WASF1: variants seen among roughly 807,000 people sequenced by gnomAD.
The protein encoded by WASF1 is actin-binding protein WASF1.
In WASF1, 7 loss-of-function variants were observed where a neutral mutation model predicts 50.5. The ratio of observed to expected loss-of-function variants is 0.14; its 90% CI spans 0.08 to 0.26. The LOEUF (loss-of-function observed/expected upper bound fraction) is 0.26, where lower values mean the gene tolerates loss of function less well. Ranked by LOEUF, WASF1 falls within the 10% of genes least tolerant of loss-of-function variation. The probability of loss-of-function intolerance (pLI) is 1.00; values close to 1 mark genes in which losing one functional copy is unlikely to be tolerated. For synonymous variants in WASF1, 205 were observed against 244.0 expected (o/e 0.84, Z 1.49); for missense variants, 470 against 694.7 (o/e 0.68, Z 3.64).
intron 2 of WASF1, among the ~76,000 whole-genome samples, chr6:110,167,317 TAGAA>T (rs1776520617): frequency 6.6e-6 from 1 of 151,940 alleles, no homozygotes; most frequent in Admixed American, 6.6e-5. Context: ...TTTTCAAAGT[TAGAA>T]AGAGCCTCAG....
rs552058205 is a variant in WASF1, at chr6:110,141,928, C to T, written c.-28-14299G>A. Among the ~76,000 whole-genome samples, 5 of 152,118 alleles carry T rather than the reference C, an allele frequency of 3.3e-5. No homozygotes were observed. The South Asian group carries it at 6.2e-4, about 19-fold the overall frequency. Reference sequence around the variant, plus strand: ...CTGGGATTACAGGTGCGCACCGCCACGCTCAGCTAATTTTTGTATTTTTAG... The same window carrying T: ...CTGGGATTACAGGTGCGCACCGCCATGCTCAGCTAATTTTTGTATTTTTAG... On this transcript the variant is annotated intron_variant, in intron 3 of 10. Transcript: ENST00000392589.
intron 2 of WASF1, among the ~76,000 whole-genome samples, 192 bp downstream of exon 2, chr6:110,178,402 TTACC>T (rs1236274631): frequency 7.9e-5 from 12 of 152,196 alleles, no homozygotes; most frequent in South Asian, 4.1e-4. Flanking sequence ...AAAATGAATG[TTACC>T]TACCATGCAA....
At chr6:110,104,445 TTATATG>T (rs1345984918) in intron 8 of WASF1, among the ~76,000 whole-genome samples, 4 of 152,172 alleles carry the variant, frequency 2.6e-5, no homozygotes, top group African/African-American at 9.7e-5. Context: ...GCCCAATCAT[TTATATG>T]TATATTACTT....
chr6:110,122,967 A>G (rs1294194031), intron 4 of WASF1, among the ~76,000 whole-genome samples: 1 of 152,128 alleles, frequency 6.6e-6, no homozygotes, highest in African/African-American at 2.4e-5. Context: ...AAAAAAAAAG[A>G]GATACCCTGG....
At chr6:110,123,089 T>A (rs960704417) in intron 4 of WASF1, among the ~76,000 whole-genome samples, 1 of 152,210 alleles carries the variant, frequency 6.6e-6, no homozygotes, top group Non-Finnish European at 1.5e-5. Context: ...TAGAGAAGAT[T>A]ATGATGTAAA....
At position 110,107,146 on chromosome 6, in the gene WASF1, G is replaced by A. The variant is rs746719555; in HGVS notation, c.471C>T (p.Phe157=). 18 of 1,607,290 alleles carry A rather than the reference G, an allele frequency of 1.1e-5. No homozygotes were observed. The Admixed American group carries it at 2.9e-4, about 26-fold the overall frequency. ...GLKFYTNPSY[F]FDLWKEKMLQ... ...ACATTTTTTCTTTCCATAGATCAAA[G>A]AAATACGAAGGATTGGTATAAAACT... Residue 157 remains phenylalanine (F), a synonymous_variant, in exon 7 of 11, where the codon TTC becomes TTT. Transcript: ENST00000392589.
chr6:110,121,709 A>T (rs1774134643), intron 4 of WASF1, among the ~76,000 whole-genome samples: 1 of 152,260 alleles, frequency 6.6e-6, no homozygotes, highest in South Asian at 2.1e-4. Context: ...ATTATAAATC[A>T]TGCTACTATA....
intron 2 of WASF1, among the ~76,000 whole-genome samples, chr6:110,172,883 T>C (rs1776775727): frequency 6.6e-6 from 1 of 152,136 alleles, no homozygotes; most frequent in South Asian, 2.1e-4. Flanking sequence ...AATATATCCA[T>C]GTAACTAAAC....
At chr6:110,141,022 T>G (rs538313063) in intron 3 of WASF1, among the ~76,000 whole-genome samples, 22 of 152,308 alleles carry the variant, frequency 1.4e-4, no homozygotes, top group African/African-American at 5.1e-4. Flanking sequence ...CACATGCAAT[T>G]TAAAACTTAT....
At chr6:110,143,897 A>G (rs998218276) in intron 3 of WASF1, among the ~76,000 whole-genome samples, 1 of 152,210 alleles carries the variant, frequency 6.6e-6, no homozygotes, top group African/African-American at 2.4e-5. Context: ...AGTCTTTGCT[A>G]TTGTGAATAG....
chr6:110,175,379 C>T (rs900501056), intron 2 of WASF1, among the ~76,000 whole-genome samples: 10 of 152,024 alleles, frequency 6.6e-5, no homozygotes, highest in African/African-American at 1.7e-4. Flanking sequence ...ACAAAAATAA[C>T]GCCTTTAAGA....
At chr6:110,116,997 CT>C (rs1451021166) in intron 4 of WASF1, among the ~76,000 whole-genome samples, 1 of 151,994 alleles carries the variant, frequency 6.6e-6, no homozygotes, top group African/African-American at 2.4e-5. Context: ...AAAACCCCCT[CT>C]GTAGGTCACC....
intron 3 of WASF1, among the ~76,000 whole-genome samples, chr6:110,130,217 A>T (rs1401511033): frequency 6.6e-6 from 1 of 152,228 alleles, no homozygotes; most frequent in Non-Finnish European, 1.5e-5. Context: ...ATGTAGAGAA[A>T]AAAAGCATAC....
chr6:110,154,465 G>A (rs1001029224), intron 3 of WASF1, among the ~76,000 whole-genome samples: 10 of 151,952 alleles, frequency 6.6e-5, no homozygotes, highest in East Asian at 3.9e-4. Flanking sequence ...CAGTAATTGC[G>A]TATTATAAAA....
chr6:110,166,905 T>C (rs574165699), intron 2 of WASF1, among the ~76,000 whole-genome samples: 1 of 152,054 alleles, frequency 6.6e-6, no homozygotes, highest in Non-Finnish European at 1.5e-5. Flanking sequence ...GAAAAAAATT[T>C]TAAAGTATTT....
chr6:110,172,385 G>GA (rs899787389), intron 2 of WASF1, among the ~76,000 whole-genome samples: 8 of 151,840 alleles, frequency 5.3e-5, no homozygotes, highest in Admixed American at 3.9e-4. Context: ...GAAATCAAGA[G>GA]AAAAAAACAA....
intron 4 of WASF1, among the ~76,000 whole-genome samples, chr6:110,124,226 CCTCTCTCTCCT>C (rs1357915550): frequency 9.9e-5 from 6 of 60,622 alleles, no homozygotes; most frequent in African/African-American, 5.6e-4. Context: ...TCCTCTCTCT[CCTCTCTCTCCT>C]CTCTCTCTCT....
chr6:110,125,115 T>G (rs576109485), intron 4 of WASF1, among the ~76,000 whole-genome samples: 1 of 152,316 alleles, frequency 6.6e-6, no homozygotes, highest in African/African-American at 2.4e-5. Context: ...TTTTATTATC[T>G]AATACATCAA....
Position 110,138,274 on chromosome 6 carries a change from C to T in WASF1, c.-28-10645G>A, listed in dbSNP as rs906756996. On this transcript the variant is annotated intron_variant, in intron 3 of 10. Transcript: ENST00000392589. ...CAGGGAACACTGTGGTGCCCAGAAG[C>T]TTGTAGACACCAGGAACTGCAGAGC... 3.9e-5 allele frequency among the ~76,000 whole-genome samples: 6 copies of T among 152,348 alleles called. No homozygotes were observed. In the East Asian group the frequency reaches 1.2e-3, roughly 29 times the overall value.
Sources: gnomAD v4.1 joint callset for allele counts (sites outside exome capture counted in the v4.1 genomes callset) on GRCh38, gnomAD v4.1.1 for gene constraint, MANE v1.5 for transcripts, NCBI Gene and HGNC (gene_info 2026-07-23, HGNC 2026-07-21) for gene names.